The following CNTN5 variants were observed in gnomAD, a reference collection of about 807,000 sequenced individuals.
CNTN5 encodes the protein contactin-5.
Under a neutral mutation model 129.1 loss-of-function variants are expected in CNTN5, and 77 were observed. That is an observed-to-expected ratio of 0.60 (90% CI 0.50 to 0.72). The LOEUF (loss-of-function observed/expected upper bound fraction) is 0.72. Among genes scored for constraint, CNTN5 ranks in the 30% least tolerant of loss-of-function variants. The probability of loss-of-function intolerance (pLI) is 0.00; values close to 1 mark genes in which losing one functional copy is unlikely to be tolerated. For missense variants in CNTN5, 1,478 were observed against 1,328.8 expected (o/e 1.11, Z -1.75); for synonymous variants, 509 against 465.6 (o/e 1.09, Z -1.20).
intron 2 of CNTN5, among the ~76,000 whole-genome samples, chr11:99,549,825 C>T (rs192465156): frequency 7.7e-4 from 117 of 152,232 alleles, no homozygotes; most frequent in African/African-American, 2.6e-3. Flanking sequence ...CTATTTCTGG[C>T]ATCAGATTCT....
intron 2 of CNTN5, among the ~76,000 whole-genome samples, chr11:99,377,398 G>A (rs1373460252): frequency 6.6e-6 from 1 of 152,050 alleles, no homozygotes; most frequent in Non-Finnish European, 1.5e-5. Context: ...AGAGAATGCT[G>A]CTGCTGTTTT....
intron 9 of CNTN5, among the ~76,000 whole-genome samples, chr11:100,016,157 T>C (rs1209568414): frequency 6.6e-6 from 1 of 152,058 alleles, no homozygotes; most frequent in Non-Finnish European, 1.5e-5. Flanking sequence ...AAAGTCTATG[T>C]TTACCTTTGG....
intron 3 of CNTN5, among the ~76,000 whole-genome samples, chr11:99,732,311 A>G (rs923536768): frequency 2.0e-5 from 3 of 152,228 alleles, no homozygotes; most frequent in Non-Finnish European, 4.4e-5. Context: ...AGGTCAGATT[A>G]TAGAACTGTG....
intron 24 of CNTN5, among the ~76,000 whole-genome samples, chr11:100,351,116 G>A (rs1056015798): frequency 2.0e-5 from 3 of 151,520 alleles, no homozygotes; most frequent in Non-Finnish European, 4.4e-5. Context: ...AAATGTCCTT[G>A]CCTCTCCTGG....
At chr11:99,872,560 G>C (rs1948529985) in intron 6 of CNTN5, among the ~76,000 whole-genome samples, 1 of 152,088 alleles carries the variant, frequency 6.6e-6, no homozygotes, top group Admixed American at 6.6e-5. Context: ...GAAAAGAAAA[G>C]TCCTGCCACC....
chr11:99,369,569 T>C (rs763628216), intron 2 of CNTN5, among the ~76,000 whole-genome samples: 2 of 151,950 alleles, frequency 1.3e-5, no homozygotes, highest in African/African-American at 4.8e-5. Context: ...TAATATATTA[T>C]AAATATAAAA....
At chr11:99,569,746 T>TC (rs1453143436) in intron 3 of CNTN5, among the ~76,000 whole-genome samples, 1 of 152,198 alleles carries the variant, frequency 6.6e-6, no homozygotes, top group Non-Finnish European at 1.5e-5. Flanking sequence ...TTAATTTTTT[T>TC]CTTGGGTTTA....
At chr11:100,207,238 A>G (rs994129107) in intron 15 of CNTN5, among the ~76,000 whole-genome samples, 1 of 152,132 alleles carries the variant, frequency 6.6e-6, no homozygotes, top group Non-Finnish European at 1.5e-5. Context: ...GACTTAATAA[A>G]TAGGTATGTC....
intron 3 of CNTN5, among the ~76,000 whole-genome samples, chr11:99,804,667 A>G (rs778860791): frequency 6.6e-6 from 1 of 151,558 alleles, no homozygotes; most frequent in Non-Finnish European, 1.5e-5. Flanking sequence ...GTTAGCTAAT[A>G]TGGCAGAAAC....
chr11:99,956,310 T>C (rs1950801006), intron 7 of CNTN5, among the ~76,000 whole-genome samples: 1 of 152,148 alleles, frequency 6.6e-6, no homozygotes, highest in Non-Finnish European at 1.5e-5. Flanking sequence ...AGTTACAAAA[T>C]GGGATGTGTG....
intron 6 of CNTN5, among the ~76,000 whole-genome samples, chr11:99,892,169 G>A (rs1259555693): frequency 2.0e-5 from 3 of 151,948 alleles, no homozygotes; most frequent in African/African-American, 7.3e-5. Context: ...TTTTTGATGG[G>A]GTTGTTTGCT....
intron 3 of CNTN5, among the ~76,000 whole-genome samples, chr11:99,775,607 G>A (rs977906820): frequency 6.6e-6 from 1 of 151,866 alleles, no homozygotes; most frequent in Non-Finnish European, 1.5e-5. Flanking sequence ...ATTATTTAAG[G>A]CACTCATATT....
chr11:100,252,718 G>A (rs1333080744), intron 16 of CNTN5, among the ~76,000 whole-genome samples: 1 of 152,132 alleles, frequency 6.6e-6, no homozygotes, highest in African/African-American at 2.4e-5. Context: ...TCACTGACAT[G>A]TCTGGTGCCT....
intron 3 of CNTN5, among the ~76,000 whole-genome samples, chr11:99,689,601 G>C (rs1403857871): frequency 7.5e-6 from 1 of 133,378 alleles, no homozygotes; most frequent in South Asian, 2.4e-4. Context: ...ACTTTTTTTT[G>C]ACATTTTAAT....
At chr11:99,926,926 T>C (rs943711958) in intron 7 of CNTN5, among the ~76,000 whole-genome samples, 8 of 152,192 alleles carry the variant, frequency 5.3e-5, no homozygotes. Flanking sequence ...ACGTTAATGT[T>C]GTATTCTTAC....
At chr11:100,308,307 A>C in intron 20 of CNTN5, 52 bp from the exon 21 acceptor site, 3 of 1,549,428 alleles carry the variant, frequency 1.9e-6, no homozygotes, top group Non-Finnish European at 2.6e-6. Flanking sequence ...CAGGCGCAAT[A>C]CTTTGATGGA....
chr11:99,358,162 C>T (rs4754608), intron 2 of CNTN5, among the ~76,000 whole-genome samples: 1 of 138,416 alleles, frequency 7.2e-6, no homozygotes, highest in East Asian at 2.6e-4. Flanking sequence ...GATCTCGGCT[C>T]ACTGCAAGCT....
At chr11:99,531,722 G>C (rs1011272324) in intron 2 of CNTN5, among the ~76,000 whole-genome samples, 1 of 152,210 alleles carries the variant, frequency 6.6e-6, no homozygotes, top group Non-Finnish European at 1.5e-5. Flanking sequence ...TGGCTTCAGG[G>C]GATGTAAGCC....
chr11:99,167,993 T>C (rs1034261479), intron 1 of CNTN5, among the ~76,000 whole-genome samples: 4 of 151,994 alleles, frequency 2.6e-5, no homozygotes, highest in Admixed American at 6.5e-5. Flanking sequence ...TGGAGTGCAG[T>C]GATGTGATCT....
Sources: gnomAD v4.1 joint callset for allele counts (sites outside exome capture counted in the v4.1 genomes callset) on GRCh38, gnomAD v4.1.1 for gene constraint, MANE v1.5 for transcripts, NCBI Gene and HGNC (gene_info 2026-07-23, HGNC 2026-07-21) for gene names.